The following VRK2 variants were observed in gnomAD, a reference collection of about 807,000 sequenced individuals.
VRK2 encodes the protein serine/threonine-protein kinase VRK2.
Under a neutral mutation model 57.6 loss-of-function variants are expected in VRK2, and 60 were observed. The ratio of observed to expected loss-of-function variants is 1.04; its 90% CI spans 0.85 to 1.29. VRK2 has a LOEUF of 1.29. Ranked by LOEUF, VRK2 falls within the 50% of genes most tolerant of loss-of-function variation. VRK2 has a pLI of 0.00. For missense variants in VRK2, 705 were observed against 588.1 expected, an observed-to-expected ratio of 1.20 and a Z score of -2.06; for synonymous variants, 231 against 199.2, an observed-to-expected ratio of 1.16 and a Z score of -1.35.
At chr2:57,959,698 C>T (rs1558513227) in intron 1 of VRK2, among the ~76,000 whole-genome samples, 1 of 152,156 alleles carries the variant, frequency 6.6e-6, no homozygotes, top group Non-Finnish European at 1.5e-5. Flanking sequence ...CTTAATTAAC[C>T]CTTGGAAAAT....
upstream of VRK2, among the ~76,000 whole-genome samples, chr2:58,042,532 T>C (rs1204171674): frequency 1.3e-5 from 2 of 152,216 alleles, no homozygotes; most frequent in Non-Finnish European, 2.9e-5. Flanking sequence ...ATTGGCTTTT[T>C]CTGAATGTTT....
At chr2:58,082,860 TAAA>T (rs567151356) in intron 2 of VRK2, among the ~76,000 whole-genome samples, 272 of 151,912 alleles carry the variant, frequency 1.8e-3, no homozygotes, top group Middle Eastern at 3.4e-3. Context: ...TACTGATAAT[TAAA>T]AACTGGAGAA....
intron 1 of VRK2, among the ~76,000 whole-genome samples, chr2:57,947,322 T>C (rs1671292620): frequency 6.6e-6 from 1 of 152,172 alleles, no homozygotes; most frequent in Non-Finnish European, 1.5e-5. Context: ...TTAGTATTAG[T>C]ATGTAATATG....
intron 7 of VRK2, among the ~76,000 whole-genome samples, chr2:58,094,882 A>G (rs1454307438): frequency 6.6e-6 from 1 of 152,174 alleles, no homozygotes; most frequent in Non-Finnish European, 1.5e-5. Flanking sequence ...TAATTTCTGA[A>G]GCTTTATAAT....
At chr2:57,947,642 C>A (rs909821121) in intron 1 of VRK2, among the ~76,000 whole-genome samples, 2 of 152,200 alleles carry the variant, frequency 1.3e-5, no homozygotes, top group Admixed American at 6.5e-5. Flanking sequence ...TAGTTCAACA[C>A]AGCTCCTACC....
rs528913834 is a variant in VRK2, at chr2:58,009,502, T to TA, written c.-438-16159dup. The stretch of plus-strand genomic sequence containing the variant: ...AGGTTGATGTCTTTATTTTTAATTT[T>TA]AAAATAATACAATTGACAGATCTAG... On this transcript the variant is annotated intron_variant, in intron 1 of 15. Coordinates refer to the VRK2 transcript ENST00000417641. Among the ~76,000 whole-genome samples, 13 of 150,122 alleles carry TA rather than the reference T, an allele frequency of 8.7e-5. 1 individual carries two copies. In the South Asian group the frequency reaches 2.8e-3, roughly 32 times the overall value.
At chr2:57,970,429 T>A (rs1572919648) in intron 1 of VRK2, among the ~76,000 whole-genome samples, 1 of 151,536 alleles carries the variant, frequency 6.6e-6, no homozygotes, top group Non-Finnish European at 1.5e-5. Flanking sequence ...TGGCTTGAAT[T>A]CTTTGTGGAT....
chr2:58,124,676 T>C (rs1367358646), intron 8 of VRK2, among the ~76,000 whole-genome samples: 1 of 152,174 alleles, frequency 6.6e-6, no homozygotes, highest in Non-Finnish European at 1.5e-5. Context: ...ATGTAGAGGG[T>C]CTTGATCATT....
intron 10 of VRK2, among the ~76,000 whole-genome samples, chr2:58,139,033 G>C (rs1680940975): frequency 6.6e-6 from 1 of 151,970 alleles, no homozygotes; most frequent in South Asian, 2.1e-4. Flanking sequence ...CTTTACACTA[G>C]AGAAAAAATA....
intron 10 of VRK2, among the ~76,000 whole-genome samples, chr2:58,136,801 A>ATGTGTATATATATCATATATG (rs1221309211): frequency 4.6e-4 from 66 of 144,358 alleles, no homozygotes; most frequent in African/African-American, 7.9e-4. Flanking sequence ...TATCATATAT[A>ATGTGTATATATATCATATATG]TGTGTATATA....
rs764826333 is a variant in VRK2, at chr2:57,951,090, C to CA, written c.-439+43261dup. Among the ~76,000 whole-genome samples the CA allele has an allele frequency of 1.4e-3, 202 of 147,142 alleles. 1 individual carries two copies. Among genetic ancestry groups the CA allele is most frequent in the Admixed American group, 5.2e-3 (77 of 14,796 alleles). The stretch of plus-strand genomic sequence containing the variant: ...CTGGTGACAGAGCAAGACTCCATCT[C>CA]AAAAAAAAAATAATAAATAAATAAA... On this transcript the variant is annotated intron_variant, in intron 1 of 15. Coordinates refer to the VRK2 transcript ENST00000417641.
At chr2:58,088,204 C>T (rs1671902070) in intron 5 of VRK2, 137 bp from the exon 6 acceptor site, 1 of 643,616 alleles carries the variant, frequency 1.6e-6, no homozygotes, top group South Asian at 2.0e-5. Context: ...TATGAACGTG[C>T]ATTCATTCTC....
intron 7 of VRK2, among the ~76,000 whole-genome samples, chr2:58,094,141 A>G (rs1420902874): frequency 1.3e-5 from 2 of 152,164 alleles, no homozygotes; most frequent in Admixed American, 6.6e-5. Flanking sequence ...TTGTCTTGGC[A>G]ATGCAGGCCC....
intron 1 of VRK2, among the ~76,000 whole-genome samples, chr2:58,007,300 A>C (rs1488273685): frequency 6.6e-6 from 1 of 151,042 alleles, no homozygotes; most frequent in Non-Finnish European, 1.5e-5. Flanking sequence ...TGTATATGTA[A>C]TTGATTCTTT....
intron 12 of VRK2, chr2:58,147,043 T>G (rs1306724022): frequency 2.6e-6 from 1 of 389,420 alleles, no homozygotes; most frequent in African/African-American, 2.1e-5. Context: ...ATGACCAACA[T>G]TTTATATGAT....
At chr2:58,061,309 G>A (rs772088559) in intron 2 of VRK2, among the ~76,000 whole-genome samples, 1 of 151,832 alleles carries the variant, frequency 6.6e-6, no homozygotes, top group South Asian at 2.1e-4. Context: ...AGATAAATGG[G>A]TTGGAAGATA....
intron 12 of VRK2, among the ~76,000 whole-genome samples, chr2:58,150,002 T>C (rs1400104822): frequency 6.1e-5 from 9 of 148,626 alleles, no homozygotes; most frequent in East Asian, 2.0e-4. Flanking sequence ...TTTTCTTTTT[T>C]TTTTTTTTTT....
chr2:58,024,851 A>T (rs916057464), intron 1 of VRK2, among the ~76,000 whole-genome samples: 1 of 152,248 alleles, frequency 6.6e-6, no homozygotes, highest in African/African-American at 2.4e-5. Flanking sequence ...TTTTATGAGA[A>T]GAATCCATCA....
At chr2:58,118,870 A>G (rs1047755613) in intron 7 of VRK2, among the ~76,000 whole-genome samples, 2 of 152,038 alleles carry the variant, frequency 1.3e-5, no homozygotes, top group East Asian at 3.9e-4. Flanking sequence ...CAGTCAAAGG[A>G]GGTTGTTCTC....
Sources: gnomAD v4.1 joint callset for allele counts (sites outside exome capture counted in the v4.1 genomes callset) on GRCh38, gnomAD v4.1.1 for gene constraint, MANE v1.5 for transcripts, NCBI Gene and HGNC (gene_info 2026-07-23, HGNC 2026-07-21) for gene names.